The following BTBD8 variants were observed in gnomAD, a reference collection of about 807,000 sequenced individuals.
BTBD8 encodes the protein BTB/POZ domain-containing protein 8.
In BTBD8, 110 loss-of-function variants were observed where a neutral mutation model predicts 162.9. The observed-to-expected ratio is 0.68, with a 90% CI of 0.58 to 0.79. BTBD8 has a LOEUF of 0.79. BTBD8 is among the 30% of genes least tolerant of loss of function. The pLI, the probability that BTBD8 is intolerant of heterozygous loss-of-function variation, is 0.00. For missense variants in BTBD8, 1,905 were observed against 2,085.4 expected (o/e 0.91, Z 1.68); for synonymous variants, 667 against 716.1 (o/e 0.93, Z 1.10).
intron 2 of BTBD8, among the ~76,000 whole-genome samples, chr1:92,092,406 A>G (rs1648332074): frequency 6.6e-6 from 1 of 151,794 alleles, no homozygotes; most frequent in East Asian, 1.9e-4. Flanking sequence ...AAAAAAAAAA[A>G]AAAGAAAAGA....
At position 92,126,299 on chromosome 1, in the gene BTBD8, T is replaced by C. The variant is rs1163434969; in HGVS notation, c.663-3388T>C. On this transcript the variant is annotated intron_variant, in intron 4 of 17. Transcript: ENST00000636805. Reference sequence around the variant, plus strand: ...GATTGGGGCCTTCTGATTATTTTGGTGAATTTGCATTCCTGATGAATCACC... The same window carrying C: ...GATTGGGGCCTTCTGATTATTTTGGCGAATTTGCATTCCTGATGAATCACC... 4 of 600,232 alleles carry C rather than the reference T, an allele frequency of 6.7e-6. No homozygotes were observed. The African/African-American group carries it at 7.4e-5, about 11-fold the overall frequency. The allele number at this position is 600,232 out of a possible 1,614,324, so 37.2% of individuals were successfully genotyped here.
intron 4 of BTBD8, among the ~76,000 whole-genome samples, chr1:92,118,902 CTG>C (rs146570106): frequency 9.7e-5 from 14 of 144,254 alleles, no homozygotes; most frequent in South Asian, 4.4e-4. Flanking sequence ...GTGTGTGTGT[CTG>C]TGTGTGTGTG....
chr1:92,142,566 T>C (rs1175437187), intron 7 of BTBD8, among the ~76,000 whole-genome samples: 3 of 152,194 alleles, frequency 2.0e-5, no homozygotes, highest in Admixed American at 6.5e-5. Flanking sequence ...TGTAAGGAAC[T>C]ACAGTTATTG....
chr1:92,107,970 T>G lies in BTBD8; in HGVS notation c.631T>G (p.Phe211Val), dbSNP rs1557442386. 6.2e-7 allele frequency: 1 copy of G among 1,614,112 alleles called. No homozygotes were observed. The highest frequency in any genetic ancestry group is 8.5e-7 in the Non-Finnish European group (1 of 1,179,974). The change falls in exon 4 of 18, where the codon TTT becomes GTT. Residue 211 changes from phenylalanine to valine, a missense_variant. By Grantham distance (50) the Phe-to-Val change is conservative. Coordinates refer to ENST00000636805, the MANE Select transcript of BTBD8 (RefSeq NM_001376131.1). ...ACCTTGTTGCCCAGATATTGATATT[T>G]TTGTTGATGGAAAACGTTTTAAAGC... is the stretch of plus-strand genomic sequence containing the variant. ...VKPCCPDIDIFVDGKRFKAHR... is the reference protein window; with the variant it reads ...VKPCCPDIDIVVDGKRFKAHR...
At chr1:92,162,826 A>G (rs1650298860) in intron 9 of BTBD8, among the ~76,000 whole-genome samples, 4 of 152,154 alleles carry the variant, frequency 2.6e-5, no homozygotes, top group Admixed American at 2.0e-4. Flanking sequence ...CAGCAATTCT[A>G]CTTCTAGAAA....
At chr1:92,121,127 T>C (rs576952829) in intron 4 of BTBD8, among the ~76,000 whole-genome samples, 176 of 152,362 alleles carry the variant, frequency 1.2e-3, no homozygotes, top group African/African-American at 4.0e-3. Context: ...CTTTCCTGCA[T>C]TGATTTTGAT....
Position 92,181,092 on chromosome 1 carries a change from T to C in BTBD8, c.3409T>C (p.Ser1137Pro), listed in dbSNP as rs775250670. The change falls in exon 17 of 18, where the codon TCA (serine) becomes CCA (proline). Residue 1137 changes from serine to proline, a missense_variant. By Grantham distance (74) the Ser-to-Pro change is moderately conservative (BLOSUM62 -1). This residue lies in a region of BTBD8 where 1,374 missense variants were observed against 1,442.7 expected (regional missense o/e 0.95). Transcript: ENST00000636805. ...AGGGAGAAAAGATACAAACAAACAATCAAGTATTAAATGTGTGGAAGATGT... is the reference window on the plus strand; with the variant it reads ...AGGGAGAAAAGATACAAACAAACAACCAAGTATTAAATGTGTGGAAGATGT... ...QVGRKDTNKQSSIKCVEDVSL... is the reference protein window; with the variant it reads ...QVGRKDTNKQPSIKCVEDVSL... 6.4e-7 allele frequency: 1 copy of C among 1,551,344 alleles called. No homozygotes were observed. The highest frequency in any genetic ancestry group is 8.7e-7 in the Non-Finnish European group (1 of 1,146,946).
rs776486886 is a variant in BTBD8 at position 92,183,887 on chromosome 1, C to G, written c.4936C>G (p.Leu1646Val). The G allele has an allele frequency of 6.5e-7, 1 of 1,549,414 alleles. No individual in the cohort carries two copies. Among genetic ancestry groups the G allele is most frequent in the South Asian group, 1.2e-5 (1 of 83,900 alleles). The change falls in exon 18 of 18, where the codon CTG becomes GTG. Residue 1646 changes from leucine to valine, a missense_variant. Leu to Val is a conservative substitution (Grantham distance 32). This residue lies in a region of BTBD8 where 517 missense variants were observed against 606.6 expected (regional missense o/e 0.85). Coordinates refer to ENST00000636805, the MANE Select transcript of BTBD8 (RefSeq NM_001376131.1). ...AGGAGACATAGATGATTGTGACACA[C>G]TGGCACAAACCCGCATGTATGACCA... ...SAGDIDDCDT[L>V]AQTRMYDHRP... is the part of the protein sequence containing the mutation.
chr1:92,110,616 C>T (rs1648862439), intron 4 of BTBD8, among the ~76,000 whole-genome samples: 1 of 152,186 alleles, frequency 6.6e-6, no homozygotes, highest in Non-Finnish European at 1.5e-5. Context: ...GATCTCGGCT[C>T]ACTGCAAGCT....
chr1:92,152,614 G>A lies in BTBD8; in HGVS notation c.1122+4828G>A, dbSNP rs116620552. Among the ~76,000 whole-genome samples the A allele has an allele frequency of 4.4e-3, 669 of 152,178 alleles. 5 individuals carry two copies. Among genetic ancestry groups the A allele is most frequent in the African/African-American group, 0.016 (647 of 41,546 alleles). On this transcript the variant is annotated intron_variant, in intron 9 of 17. Transcript: ENST00000636805. ...AAGATGAGTCTGGGGACAGGCTAAA[G>A]ATAGATTGGGAGGGATTTTAGCTGA...
chr1:92,144,658 A>G (rs111253182), intron 7 of BTBD8, among the ~76,000 whole-genome samples: 2 of 151,984 alleles, frequency 1.3e-5, no homozygotes, highest in African/African-American at 4.8e-5. Context: ...AAATTTAAAA[A>G]AAATTAGCCA....
intron 7 of BTBD8, among the ~76,000 whole-genome samples, chr1:92,144,869 T>C (rs1649872831): frequency 6.6e-6 from 1 of 151,888 alleles, no homozygotes; most frequent in African/African-American, 2.4e-5. Context: ...ATATTTTATA[T>C]AACTTAAAGT....
At chr1:92,118,651 T>C (rs1314289364) in intron 4 of BTBD8, among the ~76,000 whole-genome samples, 1 of 152,024 alleles carries the variant, frequency 6.6e-6, no homozygotes, top group East Asian at 1.9e-4. Context: ...GAACCAGGGG[T>C]ATTATCCACA....
intron 1 of BTBD8, among the ~76,000 whole-genome samples, chr1:92,084,006 GGAGTA>G (rs1261210720): frequency 6.6e-6 from 1 of 152,202 alleles, no homozygotes; most frequent in Non-Finnish European, 1.5e-5. Flanking sequence ...AAATATGTCT[GGAGTA>G]GAGGAGGGGA....
At chr1:92,167,201 G>GT in intron 10 of BTBD8, 61 bp downstream of exon 10, 1 of 1,517,904 alleles carries the variant, frequency 6.6e-7, no homozygotes, top group East Asian at 2.5e-5. Flanking sequence ...TTTCAATTAT[G>GT]TAAGAGCTTT....
At position 92,168,868 on chromosome 1, in the gene BTBD8, T is replaced by C; in HGVS notation, c.1446T>C (p.Gly482=). The change falls in exon 12 of 18, where the codon GGT becomes GGC. Residue 482 remains glycine (G), a splice_region_variant and synonymous_variant. Coordinates refer to ENST00000636805, the MANE Select transcript of BTBD8 (RefSeq NM_001376131.1). ...LLNSDSTKEM[G]FTCKIQALRD... is the part of the protein sequence containing the mutation. ...GCTGATTTGTTGCTTGAACACAGGG[T>C]TTTACGTGCAAGATCCAGGCTCTGC... is the stretch of plus-strand genomic sequence containing the variant. 1 of 1,513,890 alleles carries C rather than the reference T, an allele frequency of 6.6e-7. No individual in the cohort carries two copies. Among genetic ancestry groups the C allele is most frequent in the Non-Finnish European group, 8.9e-7 (1 of 1,118,378 alleles). 93.8% of individuals were successfully genotyped at this position (1,513,890 alleles called of 1,614,324 possible).
At chr1:92,128,588 A>T (rs1351310580) in intron 4 of BTBD8, among the ~76,000 whole-genome samples, 8 of 139,050 alleles carry the variant, frequency 5.8e-5, no homozygotes, top group African/African-American at 1.1e-4. Flanking sequence ...ATTTTTTTGT[A>T]TTTTTTTTTT....
At chr1:92,159,906 G>C (rs1650243828) in intron 9 of BTBD8, among the ~76,000 whole-genome samples, 1 of 152,048 alleles carries the variant, frequency 6.6e-6, no homozygotes, top group Non-Finnish European at 1.5e-5. Flanking sequence ...AGTACTTTGG[G>C]CTTCCTGGAT....
Position 92,178,339 on chromosome 1 carries a change from A to C in BTBD8, c.2469A>C (p.Gly823=), listed in dbSNP as rs138405277. 3.4e-4 allele frequency: 521 copies of C among 1,551,458 alleles called. 3 individuals carry two copies. In the African/African-American group the frequency reaches 6.5e-3, roughly 19 times the overall value. The change falls in exon 16 of 18, where the codon GGA becomes GGC. Residue 823 remains glycine, a synonymous_variant. Coordinates refer to ENST00000636805, the MANE Select transcript of BTBD8 (RefSeq NM_001376131.1). ...NSVLKKVSGK[G]CSEPVPQAIL... is the part of the protein sequence containing the mutation. ...TACTAAAGAAAGTCAGTGGCAAAGG[A>C]TGTAGTGAGCCAGTACCACAGGCAA...
Sources: gnomAD v4.1 joint callset for allele counts (sites outside exome capture counted in the v4.1 genomes callset) on GRCh38, gnomAD v4.1.1 for gene constraint, gnomAD v4.1.1 regional missense constraint, MANE v1.5 for transcripts, NCBI Gene and HGNC (gene_info 2026-07-23, HGNC 2026-07-21) for gene names.